SBK1: variants seen among roughly 807,000 people sequenced by gnomAD.
The protein encoded by SBK1 is serine/threonine-protein kinase SBK1.
In SBK1, 11 loss-of-function variants were observed where a neutral mutation model predicts 24.4. The ratio of observed to expected loss-of-function variants is 0.45; its 90% confidence interval spans 0.28 to 0.75. SBK1 has a LOEUF of 0.75. Ranked by LOEUF, SBK1 falls within the 30% of genes least tolerant of loss-of-function variation. The pLI is 0.12. For missense variants in SBK1, 467 were observed against 620.5 expected (o/e 0.75, Z 2.63); for synonymous variants, 308 against 284.4 (o/e 1.08, Z -0.83).
At chr16:28,299,045 G>A (rs2044661355) in intron 1 of SBK1, among the ~76,000 whole-genome samples, 1 of 152,212 alleles carries the variant, frequency 6.6e-6, no homozygotes, top group Non-Finnish European at 1.5e-5. Flanking sequence ...GAGCTCAGGT[G>A]CCTGCCAGCC....
At position 28,319,708 on chromosome 16, in the gene SBK1, G is replaced by A. The variant is rs139482535; in HGVS notation, c.430-368G>A. ...ACGGACACAGCAGGGAACAGGACGGGAAGCTCAGGGAGCCCCGTTCTAGTT... is the reference window on the plus strand; with the variant it reads ...ACGGACACAGCAGGGAACAGGACGGAAAGCTCAGGGAGCCCCGTTCTAGTT... On this transcript the variant is annotated intron_variant, in intron 3 of 3. Coordinates refer to ENST00000341901, the MANE Select transcript of SBK1 (RefSeq NM_001024401.3). The surrounding 1 kb of genome is among the most constrained non-coding windows in gnomAD (Gnocchi z 4.0). Among the ~76,000 whole-genome samples the A allele has an allele frequency of 2.8e-4, 42 of 152,246 alleles. No individual in the cohort carries two copies. The highest frequency in any genetic ancestry group is 3.7e-4 in the Non-Finnish European group (25 of 68,006).
Position 28,321,091 on chromosome 16 carries a change from C to G in SBK1, c.*170C>G, listed in dbSNP as rs964456143. 7.2e-6 allele frequency: 4 copies of G among 558,428 alleles called. No individual in the cohort carries two copies. The highest frequency in any genetic ancestry group is 6.2e-5 in the African/African-American group (3 of 48,262). The allele number at this position is 558,428 out of a possible 1,614,324, so 34.6% of individuals were successfully genotyped here. On this transcript the variant is annotated 3_prime_UTR_variant, in exon 4 of 4. Coordinates refer to ENST00000341901, the MANE Select transcript of SBK1 (RefSeq NM_001024401.3). ...CGTCCCCGGCGGGCTGGTGAGGGGG[C>G]CACCAAAGACCCCTAGCGCGGCCTG... is the stretch of plus-strand genomic sequence containing the variant.
intron 1 of SBK1, among the ~76,000 whole-genome samples, chr16:28,270,841 T>C (rs1472357760): frequency 1.8e-3 from 1 of 554 alleles, no homozygotes; most frequent in Non-Finnish European, 0.038. Flanking sequence ...TCTTATTTAT[T>C]TATTTATTTA....
intron 1 of SBK1, among the ~76,000 whole-genome samples, chr16:28,308,450 C>CTT (rs59880320): frequency 5.0e-4 from 20 of 40,008 alleles, no homozygotes; most frequent in African/African-American, 1.6e-3. Flanking sequence ...CATGCTTGGG[C>CTT]TTTTTTTTTT....
chr16:28,281,186 T>C (rs2044531233), intron 1 of SBK1, among the ~76,000 whole-genome samples: 1 of 152,162 alleles, frequency 6.6e-6, no homozygotes, highest in Non-Finnish European at 1.5e-5. Flanking sequence ...GCCATCCCCC[T>C]GGATCCACTT....
At chr16:28,293,412 C>T in intron 1 of SBK1, 112 bp downstream of exon 1, 1 of 465,682 alleles carries the variant, frequency 2.1e-6, no homozygotes, top group African/African-American at 2.1e-5. Context: ...CCAGCGTCGC[C>T]ATGGAGCCGA....
At chr16:28,297,190 G>T (rs1477250109) in intron 1 of SBK1, among the ~76,000 whole-genome samples, 1 of 152,172 alleles carries the variant, frequency 6.6e-6, no homozygotes, top group Non-Finnish European at 1.5e-5. Context: ...AATTAGCCAG[G>T]TGCGGTGGCA....
At chr16:28,262,701 T>A (rs552710349) in intron 1 of SBK1, among the ~76,000 whole-genome samples, 35 of 152,358 alleles carry the variant, frequency 2.3e-4, no homozygotes, top group Admixed American at 7.8e-4. Context: ...AAAACACATC[T>A]GCATTTGATG....
rs2044804350 is a variant in SBK1 at position 28,317,340 on chromosome 16, C to A, written c.-7-45C>A. The A allele has an allele frequency of 2.0e-5, 29 of 1,478,250 alleles. No individual in the cohort carries two copies. Among genetic ancestry groups the A allele is most frequent in the Non-Finnish European group, 2.7e-5 (29 of 1,060,898 alleles). 91.6% of individuals were successfully genotyped at this position (1,478,250 alleles called of 1,614,324 possible). A position where few individuals can be genotyped will look rare whatever the true frequency, so the allele number is the denominator to read the frequency against. On this transcript the variant is annotated intron_variant, in intron 1 of 3. Coordinates refer to ENST00000341901, the MANE Select transcript of SBK1 (RefSeq NM_001024401.3). This position sits in a 1 kb window ranked among gnomAD's most constrained non-coding sequence, Gnocchi z 4.2. ...GGGCAGAGGGGCTGGAGGAGGGGAC[C>A]CTTGCCTGATGTCACACTTCATGCT...
At chr16:28,313,404 C>T (rs1241673881) in intron 1 of SBK1, among the ~76,000 whole-genome samples, 2 of 151,910 alleles carry the variant, frequency 1.3e-5, no homozygotes, top group Non-Finnish European at 1.5e-5. Flanking sequence ...CAAGACCAGC[C>T]TGGGCAACAT....
At position 28,319,203 on chromosome 16, in the gene SBK1, C is replaced by T. The variant is rs750020852; in HGVS notation, c.429+6C>T. On this transcript the variant is annotated splice_donor_region_variant and intron_variant, in intron 3 of 3. Coordinates refer to ENST00000341901, the MANE Select transcript of SBK1 (RefSeq NM_001024401.3). The surrounding 1 kb of genome is among the most constrained non-coding windows in gnomAD (Gnocchi z 4.0). ...TTGACATCATCCCTCCCCAGGTACT[C>T]GGGATGGTGGCATAGGGTGGGGAAA... 5.6e-6 allele frequency: 9 copies of T among 1,610,168 alleles called. No homozygotes were observed. In the Admixed American group the frequency reaches 6.7e-5, roughly 12 times the overall value.
At chr16:28,299,005 C>T (rs972613507) in intron 1 of SBK1, among the ~76,000 whole-genome samples, 2 of 152,352 alleles carry the variant, frequency 1.3e-5, no homozygotes, top group Non-Finnish European at 2.9e-5. Context: ...GGGCTCAAGG[C>T]CTTGCAGAGA....
rs2044383388 is a variant in SBK1 at position 28,259,418 on chromosome 16, G to A, written c.173G>A (p.Gly58Glu). ...CCTCCGGCCTGGCCCATGGGCTGCG[G>A]AGTCGATGATGTGCCGGCCTTCTGC... Residue 58 changes from glycine to glutamate, a missense_variant, in exon 1 of 4, where the codon GGA becomes GAA. Physicochemically the swap from Gly to Glu is moderately conservative, Grantham distance 98. Transcript: ENST00000671413. The surrounding 1 kb of genome is among the most constrained non-coding windows in gnomAD (Gnocchi z 6.0). The A allele has an allele frequency of 1.0e-6, 1 of 985,696 alleles. No homozygotes were observed. The highest frequency in any genetic ancestry group is 1.2e-6 in the Non-Finnish European group (1 of 830,212). The allele number at this position is 985,696 out of a possible 1,614,324, so 61.1% of individuals were successfully genotyped here. A position where few individuals can be genotyped will look rare whatever the true frequency, so the allele number is the denominator to read the frequency against.
chr16:28,291,104 G>A (rs2044596030), upstream of SBK1: 1 of 152,132 alleles, frequency 6.6e-6, no homozygotes, highest in Non-Finnish European at 1.5e-5. Context: ...GGAAACAGTC[G>A]GGAGTGGCTG....
chr16:28,289,778 A>C (rs530507223), upstream of SBK1, among the ~76,000 whole-genome samples: 42 of 151,294 alleles, frequency 2.8e-4, no homozygotes, highest in South Asian at 6.3e-4. Context: ...AGAAAAAAAA[A>C]AAAAACAAAA....
Position 28,321,712 on chromosome 16 carries a change from A to G in SBK1, c.*791A>G, listed in dbSNP as rs77707744. The G allele has an allele frequency of 3.6e-3, 550 of 152,754 alleles. 5 individuals are homozygous for G. The Middle Eastern group carries it at 0.041, about 11-fold the overall frequency. 9.5% of individuals were successfully genotyped at this position (152,754 alleles called of 1,614,324 possible). A position where few individuals can be genotyped will look rare whatever the true frequency, so the allele number is the denominator to read the frequency against. On this transcript the variant is annotated 3_prime_UTR_variant, in exon 4 of 4. Coordinates refer to ENST00000341901, the MANE Select transcript of SBK1 (RefSeq NM_001024401.3). ...GAGCTCTCTCCCCGCCCCTCCCCCT[A>G]ACCACAAGGGATTGTCCTGACAACT...
chr16:28,266,798 A>AT (rs944008498), intron 1 of SBK1, among the ~76,000 whole-genome samples: 6 of 149,976 alleles, frequency 4.0e-5, no homozygotes, highest in African/African-American at 1.5e-4. Context: ...CAGAAGTGCA[A>AT]TGGCCCAATC....
intron 1 of SBK1, among the ~76,000 whole-genome samples, chr16:28,261,707 C>T (rs536983637): frequency 2.0e-5 from 3 of 152,178 alleles, no homozygotes; most frequent in Non-Finnish European, 2.9e-5. Context: ...GACCCTGCAT[C>T]GGAGATTTTG....
At position 28,317,549 on chromosome 16, in the gene SBK1, A is replaced by G. The variant is rs781612565; in HGVS notation, c.158A>G (p.Tyr53Cys). The G allele has an allele frequency of 1.2e-6, 2 of 1,614,110 alleles. No individual in the cohort carries two copies. Among genetic ancestry groups the G allele is most frequent in the Non-Finnish European group, 1.7e-6 (2 of 1,180,002 alleles). The stretch of plus-strand genomic sequence containing the variant: ...GCCGCCAGCGACGTCACCAAGCACT[A>G]CGAACTAGTCCGGGAGCTGGGCAAA... ...TLAASDVTKH[Y>C]ELVRELGKGT... is the part of the protein sequence containing the mutation. The change falls in exon 2 of 4, where the codon TAC becomes TGC. Residue 53 changes from tyrosine (Y) to cysteine (C), a missense_variant. Coordinates refer to ENST00000341901, the MANE Select transcript of SBK1 (RefSeq NM_001024401.3). This position sits in a 1 kb window ranked among gnomAD's most constrained non-coding sequence, Gnocchi z 4.2.
Sources: allele counts gnomAD v4.1 joint callset (sites outside exome capture counted in the v4.1 genomes callset), GRCh38; gene constraint gnomAD v4.1.1; non-coding constraint Gnocchi (gnomAD v3.1); transcripts MANE v1.5; gene names NCBI Gene and HGNC (gene_info 2026-07-23, HGNC 2026-07-21).